RGS7: variants seen among roughly 807,000 people sequenced by gnomAD.
RGS7 encodes regulator of G-protein signaling 7.
A neutral mutation model predicts 81.1 loss-of-function variants in RGS7; 27 were observed. The observed-to-expected ratio is 0.33, with a 90% CI of 0.25 to 0.46. The LOEUF (loss-of-function observed/expected upper bound fraction) is 0.46, where lower values mean the gene tolerates loss of function less well. RGS7 is among the 20% of genes least tolerant of loss of function. RGS7 has a pLI of 1.00. For missense variants in RGS7, 396 were observed against 607.4 expected (o/e 0.65, Z 3.66); for synonymous variants, 208 against 207.7 (o/e 1.00, Z -0.01).
intron 18 of RGS7, among the ~76,000 whole-genome samples, chr1:240,793,611 A>ATATATATATATATATATT: frequency 2.7e-4 from 21 of 78,792 alleles, no homozygotes; most frequent in African/African-American, 8.7e-4. Flanking sequence ...ATATATATAT[A>ATATATATATATATATATT]TTTTTTTTTT....
intron 2 of RGS7, among the ~76,000 whole-genome samples, chr1:241,106,480 G>A (rs903995378): frequency 1.2e-4 from 18 of 152,042 alleles, no homozygotes; most frequent in Non-Finnish European, 2.2e-4. Flanking sequence ...TTGGGAAGCC[G>A]AGGCCAACGG....
Position 240,816,358 on chromosome 1 carries a change from G to T in RGS7, c.742C>A (p.Pro248Thr). Residue 248 changes from proline (P) to threonine (T), a missense_variant, in exon 11 of 19, where the codon CCA becomes ACA. Transcript: ENST00000440928. Reference sequence around the variant, plus strand: ...TCTTCTGTTGGAGGTTTAGTTTCTGGTGTGGGTGTGTGGGTAGGACTGTGA... The same window carrying T: ...TCTTCTGTTGGAGGTTTAGTTTCTGTTGTGGGTGTGTGGGTAGGACTGTGA... ...RSHSPTHTPT[P>T]ETKPPTEDEL... 2 of 1,612,108 alleles carry T rather than the reference G, an allele frequency of 1.2e-6. No homozygotes were observed. The highest frequency in any genetic ancestry group is 1.7e-6 in the Non-Finnish European group (2 of 1,178,286).
intron 3 of RGS7, among the ~76,000 whole-genome samples, chr1:240,993,195 G>A (rs962285119): frequency 1.4e-5 from 2 of 142,610 alleles, no homozygotes; most frequent in South Asian, 2.2e-4. Flanking sequence ...GAAAGAAAGA[G>A]GAAAGAAGGA....
At chr1:241,072,263 C>T (rs1299987121) in intron 3 of RGS7, among the ~76,000 whole-genome samples, 2 of 152,166 alleles carry the variant, frequency 1.3e-5, no homozygotes, top group Non-Finnish European at 2.9e-5. Flanking sequence ...TGGCCTGTGG[C>T]GTTGCATGCT....
rs758122817 is a variant in RGS7, at chr1:241,280,774, G to T, written c.78+74925C>A. ...CCTCAGCTTCCCAAAGTGCTGGGAG[G>T]GATTACAAGCATAAGCCACTGCACC... is the stretch of plus-strand genomic sequence containing the variant. On this transcript the variant is annotated intron_variant, in intron 2 of 18. Transcript: ENST00000440928. 8.5e-5 allele frequency among the ~76,000 whole-genome samples: 13 copies of T among 152,242 alleles called. 1 individual carries two copies. The highest frequency in any genetic ancestry group is 3.4e-3 in the Middle Eastern group (1 of 294).
At chr1:241,159,643 T>C (rs1395685693) in intron 2 of RGS7, among the ~76,000 whole-genome samples, 3 of 151,934 alleles carry the variant, frequency 2.0e-5, no homozygotes, top group Non-Finnish European at 2.9e-5. Flanking sequence ...CAGCAAAGTG[T>C]TATGGGACCG....
chr1:241,205,595 G>A (rs778855688), intron 2 of RGS7, among the ~76,000 whole-genome samples: 2 of 151,410 alleles, frequency 1.3e-5, no homozygotes, highest in African/African-American at 2.4e-5. Context: ...TGAACTACAG[G>A]CATGCAACCA....
chr1:241,104,270 G>A (rs1400650939), intron 2 of RGS7, among the ~76,000 whole-genome samples: 2 of 152,030 alleles, frequency 1.3e-5, no homozygotes, highest in Admixed American at 1.3e-4. Flanking sequence ...AATTCAGCCG[G>A]CAAAGATGCT....
chr1:240,786,800 T>C (rs1321933133), intron 18 of RGS7, among the ~76,000 whole-genome samples: 1 of 152,222 alleles, frequency 6.6e-6, no homozygotes. Flanking sequence ...TTAACATTCG[T>C]ATAACATTCC....
chr1:241,061,004 A>C (rs906801768), intron 3 of RGS7, among the ~76,000 whole-genome samples: 3 of 152,182 alleles, frequency 2.0e-5, no homozygotes, highest in Non-Finnish European at 2.9e-5. Flanking sequence ...GGCCCATGCC[A>C]CCACCTGCTC....
chr1:241,052,554 G>T (rs113870402), intron 3 of RGS7, among the ~76,000 whole-genome samples: 1 of 152,048 alleles, frequency 6.6e-6, no homozygotes, highest in Non-Finnish European at 1.5e-5. Flanking sequence ...GCCTTAGCTT[G>T]ACCTTCTCTA....
At chr1:241,178,909 T>C (rs1558159538) in intron 2 of RGS7, among the ~76,000 whole-genome samples, 1 of 152,206 alleles carries the variant, frequency 6.6e-6, no homozygotes, top group Non-Finnish European at 1.5e-5. Flanking sequence ...AACTGTGCTA[T>C]ATACTTTCAG....
chr1:241,353,693 T>A (rs1175961731), intron 2 of RGS7, among the ~76,000 whole-genome samples: 1 of 151,986 alleles, frequency 6.6e-6, no homozygotes, highest in African/African-American at 2.4e-5. Context: ...GAAAAATGAG[T>A]AGCACAAGCA....
intron 2 of RGS7, among the ~76,000 whole-genome samples, chr1:241,249,275 T>C (rs576271109): frequency 2.6e-4 from 40 of 152,180 alleles, no homozygotes; most frequent in Middle Eastern, 6.8e-3. Flanking sequence ...TTTGAGTCAA[T>C]TTTTGTATGT....
intron 2 of RGS7, among the ~76,000 whole-genome samples, chr1:241,284,348 A>G (rs1255506214): frequency 6.6e-6 from 1 of 151,942 alleles, no homozygotes; most frequent in Non-Finnish European, 1.5e-5. Context: ...GTAGAAGTCT[A>G]GTTTTGCAAC....
chr1:241,076,285 G>A (rs1382532063), intron 3 of RGS7, among the ~76,000 whole-genome samples: 1 of 151,858 alleles, frequency 6.6e-6, no homozygotes, highest in Non-Finnish European at 1.5e-5. Context: ...GTCCTTCCCG[G>A]GTTAACCCAG....
chr1:241,251,194 A>G (rs2076810402), intron 2 of RGS7, among the ~76,000 whole-genome samples: 1 of 152,222 alleles, frequency 6.6e-6, no homozygotes, highest in Non-Finnish European at 1.5e-5. Context: ...CATAGATACA[A>G]ATTAACTCCT....
chr1:240,908,336 T>A (rs1032103693), intron 6 of RGS7, among the ~76,000 whole-genome samples: 1 of 151,882 alleles, frequency 6.6e-6, no homozygotes, highest in Non-Finnish European at 1.5e-5. Context: ...ACCTTAGAAC[T>A]TAAAGCATAA....
In RGS7 at chr1:241,237,446, C is replaced by A. The variant is rs189528645; in HGVS notation, c.78+118253G>T. ...GTTATTTCAAACTCCAGCTATGGGG[C>A]CAGAAACTCCTTAGGAGTCCGCACC... On this transcript the variant is annotated intron_variant, in intron 2 of 18. Transcript: ENST00000440928. Among the ~76,000 whole-genome samples, 6 of 152,014 alleles carry A rather than the reference C, an allele frequency of 3.9e-5. No homozygotes were observed. In the East Asian group the frequency reaches 1.2e-3, roughly 29 times the overall value.
Sources: allele counts gnomAD v4.1 joint callset (sites outside exome capture counted in the v4.1 genomes callset), GRCh38; gene constraint gnomAD v4.1.1; transcripts MANE v1.5; gene names NCBI Gene and HGNC (gene_info 2026-07-23, HGNC 2026-07-21).